QKI: variants seen among roughly 807,000 people sequenced by gnomAD.
QKI encodes the protein KH domain-containing RNA-binding protein QKI.
Under a neutral mutation model 39.0 loss-of-function variants are expected in QKI, and 10 were observed. The observed-to-expected ratio is 0.26, with a 90% confidence interval of 0.16 to 0.43. The LOEUF is 0.43. Among genes scored for constraint, QKI ranks in the 20% least tolerant of loss-of-function variants. QKI has a pLI of 1.00. For synonymous variants in QKI, 204 were observed against 155.4 expected (o/e 1.31, Z -2.33); for missense variants, 218 against 428.0 (o/e 0.51, Z 4.33).
chr6:163,519,825 T>C (rs1780040586), intron 3 of QKI, among the ~76,000 whole-genome samples: 1 of 152,078 alleles, frequency 6.6e-6, no homozygotes, highest in South Asian at 2.1e-4. Flanking sequence ...TTATATAAAG[T>C]TTGTTTAATA....
At chr6:163,557,032 A>G (rs996375550) in intron 4 of QKI, among the ~76,000 whole-genome samples, 11 of 152,226 alleles carry the variant, frequency 7.2e-5, no homozygotes, top group African/African-American at 2.7e-4. Flanking sequence ...GAAGCCTTAT[A>G]TGAGAATTTT....
intron 1 of QKI, among the ~76,000 whole-genome samples, chr6:163,443,328 T>TG (rs2128215605): frequency 1.3e-5 from 2 of 152,332 alleles, no homozygotes; most frequent in Non-Finnish European, 2.9e-5. Context: ...CCCAGCACTT[T>TG]GGGAGGCCAA....
chr6:163,446,310 T>C (rs2128216753), intron 1 of QKI, among the ~76,000 whole-genome samples: 1 of 152,340 alleles, frequency 6.6e-6, no homozygotes, highest in Non-Finnish European at 1.5e-5. Flanking sequence ...CAGAGACTCG[T>C]AAGAGTACAT....
At chr6:163,567,212 C>T (rs1783418246) in intron 7 of QKI, 3 of 989,380 alleles carry the variant, frequency 3.0e-6, no homozygotes, top group African/African-American at 1.7e-5. Context: ...GAATATATGC[C>T]TCCTGTGTAC....
chr6:163,510,941 A>G (rs1406906307), intron 3 of QKI, among the ~76,000 whole-genome samples: 2 of 152,216 alleles, frequency 1.3e-5, no homozygotes, highest in Non-Finnish European at 1.5e-5. Context: ...ATTGATGTTT[A>G]TTAAACGTTA....
chr6:163,575,251 T>G lies in QKI; in HGVS notation c.*4541T>G, dbSNP rs1301054540. The G allele has an allele frequency of 6.6e-6, 1 of 152,218 alleles. No individual in the cohort carries two copies. Among genetic ancestry groups the G allele is most frequent in the Non-Finnish European group, 1.5e-5 (1 of 68,036 alleles). The allele number at this position is 152,218 out of a possible 1,614,324, so 9.4% of individuals were successfully genotyped here. ...TTAAATTGATGAATTTCTATGCAAT[T>G]TACTATTCTCTGAAGCCTATGAATG... On this transcript the variant is annotated 3_prime_UTR_variant, in exon 8 of 8. Transcript: ENST00000361752.
rs1783710238 is a variant in QKI at position 163,571,689 on chromosome 6, A to C, written c.*979A>C. The C allele has an allele frequency of 6.6e-6, 1 of 150,590 alleles. No homozygotes were observed. The highest frequency in any genetic ancestry group is 2.5e-5 in the African/African-American group (1 of 40,760). The allele number at this position is 150,590 out of a possible 1,614,324, so 9.3% of individuals were successfully genotyped here. A position where few individuals can be genotyped will look rare whatever the true frequency, so the allele number is the denominator to read the frequency against. Reference sequence around the variant, plus strand: ...CAGAAAAAAATATATATATTTTTGGAAATGTAGCATTTTATACTTTCAAGT... The same window carrying C: ...CAGAAAAAAATATATATATTTTTGGCAATGTAGCATTTTATACTTTCAAGT... On this transcript the variant is annotated 3_prime_UTR_variant, in exon 8 of 8. Coordinates refer to ENST00000361752, the MANE Select transcript of QKI (RefSeq NM_006775.3).
chr6:163,564,233 A>T (rs1783211516), intron 6 of QKI: 1 of 1,029,326 alleles, frequency 9.7e-7, no homozygotes, highest in African/African-American at 1.7e-5. Flanking sequence ...TGCATCGCTT[A>T]ACAACGGGGA....
chr6:163,562,753 T>C (rs1394366631), intron 5 of QKI, among the ~76,000 whole-genome samples: 1 of 152,234 alleles, frequency 6.6e-6, no homozygotes, highest in Non-Finnish European at 1.5e-5. Context: ...TTAAAACACA[T>C]AGAATTTTTA....
Position 163,576,154 on chromosome 6 carries a change from AATTTT to A in QKI, c.*5447_*5451del, listed in dbSNP as rs1382548074. On this transcript the variant is annotated 3_prime_UTR_variant, in exon 8 of 8. Transcript: ENST00000361752. ...TTTTAGAAATATGTGCTACACATCT[AATTTT>A]ATCTGTAGTTTAAGTGATCTAAATT... 6.6e-6 allele frequency: 1 copy of A among 152,190 alleles called. No homozygotes were observed. Among genetic ancestry groups the A allele is most frequent in the Admixed American group, 6.5e-5 (1 of 15,278 alleles). 9.4% of individuals were successfully genotyped at this position (152,190 alleles called of 1,614,324 possible). A position where few individuals can be genotyped will look rare whatever the true frequency, so the allele number is the denominator to read the frequency against.
rs1781273015 is a variant in QKI at position 163,537,462 on chromosome 6, C to T, written c.546+2337C>T. Among the ~76,000 whole-genome samples the T allele has an allele frequency of 2.6e-5, 4 of 152,134 alleles. No homozygotes were observed. In the South Asian group the frequency reaches 8.3e-4, roughly 32 times the overall value. On this transcript the variant is annotated intron_variant, in intron 4 of 7. Transcript: ENST00000361752. ...TTCTATGAAAATGCAACATAAGGCT[C>T]ATTAGTTTATCATTGCCTAAATATT... is the stretch of plus-strand genomic sequence containing the variant.
intron 6 of QKI, chr6:163,564,034 GC>G: frequency 8.7e-7 from 1 of 1,151,306 alleles, no homozygotes. Context: ...CACCCCATTG[GC>G]CCGTCACCTC....
chr6:163,541,458 A>T (rs1378246004), intron 4 of QKI, among the ~76,000 whole-genome samples: 1 of 150,992 alleles, frequency 6.6e-6, no homozygotes, highest in Non-Finnish European at 1.5e-5. Context: ...TTTATAGATG[A>T]AGATAGTTGA....
chr6:163,443,188 T>C (rs1789883746), intron 1 of QKI, among the ~76,000 whole-genome samples: 1 of 152,256 alleles, frequency 6.6e-6, no homozygotes, highest in African/African-American at 2.4e-5. Context: ...CAAGATATTT[T>C]TGCTGAATTT....
chr6:163,550,649 A>G (rs888587348), intron 4 of QKI, among the ~76,000 whole-genome samples: 2 of 152,146 alleles, frequency 1.3e-5, no homozygotes, highest in African/African-American at 4.8e-5. Flanking sequence ...AGCCACCCCA[A>G]CAAAGAGCTG....
intron 1 of QKI, among the ~76,000 whole-genome samples, chr6:163,421,019 C>T (rs1787954584): frequency 6.6e-6 from 1 of 152,084 alleles, no homozygotes; most frequent in African/African-American, 2.4e-5. Flanking sequence ...TGACATCTTA[C>T]CTCCTTTTTT....
chr6:163,519,506 A>G (rs1253091795), intron 3 of QKI, among the ~76,000 whole-genome samples: 2 of 151,810 alleles, frequency 1.3e-5, no homozygotes, highest in Non-Finnish European at 2.9e-5. Flanking sequence ...TGGGCCTTCT[A>G]TTTATGGATT....
chr6:163,469,345 G>A (rs537435292), intron 2 of QKI, among the ~76,000 whole-genome samples: 11 of 152,190 alleles, frequency 7.2e-5, no homozygotes, highest in Non-Finnish European at 1.5e-4. Context: ...TTAGTGATTT[G>A]TACTAAAGTA....
chr6:163,562,097 T>TA (rs1303408789), intron 5 of QKI, 28 bp downstream of exon 5: 1 of 1,556,010 alleles, frequency 6.4e-7, no homozygotes, highest in African/African-American at 1.4e-5. Context: ...GGCCCAGGGT[T>TA]ACTGCTGTCT....
Sources: allele counts gnomAD v4.1 joint callset (sites outside exome capture counted in the v4.1 genomes callset), GRCh38; gene constraint gnomAD v4.1.1; transcripts MANE v1.5; gene names NCBI Gene and HGNC (gene_info 2026-07-23, HGNC 2026-07-21).